The following UTRN variants were observed in gnomAD, a reference collection of about 807,000 sequenced individuals.
UTRN encodes the protein dystrophin-related protein 1.
In UTRN, 283 loss-of-function variants were observed where a neutral mutation model predicts 463.9. That is an observed-to-expected ratio of 0.61 (90% confidence interval 0.55 to 0.67). The LOEUF is 0.67. Among genes scored for constraint, UTRN ranks in the 30% least tolerant of loss-of-function variants. The pLI is 0.00. For synonymous variants in UTRN, 1,442 were observed against 1,431.5 expected (o/e 1.01, Z -0.17); for missense variants, 3,922 against 4,084.3 (o/e 0.96, Z 1.08).
chr6:144,565,179 A>G (rs1261874495), intron 50 of UTRN, among the ~76,000 whole-genome samples: 1 of 152,192 alleles, frequency 6.6e-6, no homozygotes, highest in Non-Finnish European at 1.5e-5. Flanking sequence ...AAGGGCTTGG[A>G]AACAATCCAA....
chr6:144,634,042 A>G (rs1776831640), intron 51 of UTRN, among the ~76,000 whole-genome samples: 1 of 152,230 alleles, frequency 6.6e-6, no homozygotes, highest in Non-Finnish European at 1.5e-5. Flanking sequence ...CAGGCTGCCC[A>G]GGGGAACTCC....
chr6:144,689,276 A>G (rs1258461547), intron 52 of UTRN, among the ~76,000 whole-genome samples: 1 of 152,158 alleles, frequency 6.6e-6, no homozygotes, highest in Non-Finnish European at 1.5e-5. Flanking sequence ...TGTGTCTGCA[A>G]TGGTGGGTGA....
chr6:144,744,634 C>G (rs1373112935), intron 54 of UTRN, among the ~76,000 whole-genome samples: 1 of 150,396 alleles, frequency 6.6e-6, no homozygotes, highest in Admixed American at 6.6e-5. Flanking sequence ...CACACATACA[C>G]ACACACACAC....
chr6:144,316,851 A>T (rs980592340), intron 2 of UTRN, among the ~76,000 whole-genome samples: 1 of 152,204 alleles, frequency 6.6e-6, no homozygotes, highest in Non-Finnish European at 1.5e-5. Flanking sequence ...TATCATATTT[A>T]AAAAATGCCC....
intron 62 of UTRN, 80 bp downstream of exon 62, chr6:144,789,359 A>G: frequency 2.5e-6 from 3 of 1,222,506 alleles, no homozygotes; most frequent in Admixed American, 2.1e-5. Flanking sequence ...CTTAAATTAT[A>G]TAATTTGTTA....
At chr6:144,305,712 G>T (rs538676348) in intron 2 of UTRN, among the ~76,000 whole-genome samples, 7 of 152,352 alleles carry the variant, frequency 4.6e-5, no homozygotes, top group Admixed American at 1.3e-4. Context: ...CCAACTTGAG[G>T]CAATGTGTTG....
intron 69 of UTRN, among the ~76,000 whole-genome samples, chr6:144,832,795 A>AT (rs963961544): frequency 3.3e-5 from 5 of 151,456 alleles, no homozygotes; most frequent in African/African-American, 1.2e-4. Context: ...CATAGAACTA[A>AT]TTTTTTGTTT....
chr6:144,662,763 G>C (rs1321652073), intron 51 of UTRN, among the ~76,000 whole-genome samples: 1 of 152,146 alleles, frequency 6.6e-6, no homozygotes, highest in Non-Finnish European at 1.5e-5. Context: ...TTATAGACTG[G>C]TCAGATCATT....
chr6:144,529,335 A>G (rs777854544), intron 41 of UTRN, among the ~76,000 whole-genome samples: 8 of 152,130 alleles, frequency 5.3e-5, no homozygotes, highest in Admixed American at 1.3e-4. Flanking sequence ...CCTCCTTCAA[A>G]GGGTCTGTAG....
chr6:144,828,729 C>T (rs547056290), intron 68 of UTRN, 61 bp from the exon 69 acceptor site: 11 of 1,452,842 alleles, frequency 7.6e-6, no homozygotes, highest in East Asian at 2.3e-5. Context: ...TAAGGATGTA[C>T]GTCCAATTGA....
intron 3 of UTRN, among the ~76,000 whole-genome samples, chr6:144,417,047 G>C (rs1784417746): frequency 6.6e-6 from 1 of 152,142 alleles, no homozygotes; most frequent in South Asian, 2.1e-4. Flanking sequence ...TTTCCAAGCT[G>C]TTTCACAGAG....
chr6:144,786,235 A>G (rs1776279413), intron 61 of UTRN, among the ~76,000 whole-genome samples: 1 of 152,044 alleles, frequency 6.6e-6, no homozygotes, highest in African/African-American at 2.4e-5. Context: ...AGTTCAGTCA[A>G]CCAGTTAACC....
chr6:144,417,130 T>A (rs1441316467), intron 3 of UTRN, among the ~76,000 whole-genome samples: 1 of 151,998 alleles, frequency 6.6e-6, no homozygotes, highest in Admixed American at 6.5e-5. Flanking sequence ...GAAAAAAAAA[T>A]AGTCTGCATT....
chr6:144,340,393 A>G (rs1240998533), intron 2 of UTRN, among the ~76,000 whole-genome samples: 2 of 152,182 alleles, frequency 1.3e-5, no homozygotes, highest in African/African-American at 4.8e-5. Flanking sequence ...AATGAAGAAG[A>G]TGTGTACCCT....
Position 144,827,333 on chromosome 6 carries a change from C to G in UTRN, c.9495-15C>G. On this transcript the variant is annotated splice_polypyrimidine_tract_variant and intron_variant, in intron 66 of 74. Transcript: ENST00000367545. ...TTTGTTCTGTGACTTTTGTCTCCCT[C>G]TCCCCTCTTTGCAGTCCTATCACAC... The G allele has an allele frequency of 6.2e-7, 1 of 1,613,240 alleles. No individual in the cohort carries two copies. The highest frequency in any genetic ancestry group is 8.5e-7 in the Non-Finnish European group (1 of 1,179,530).
At chr6:144,446,309 A>G (rs1032728405) in intron 14 of UTRN, among the ~76,000 whole-genome samples, 2 of 152,166 alleles carry the variant, frequency 1.3e-5, no homozygotes, top group South Asian at 4.1e-4. Flanking sequence ...GTCTGATGGC[A>G]TCATTATTTA....
At chr6:144,716,791 A>C (rs951266634) in intron 53 of UTRN, among the ~76,000 whole-genome samples, 2 of 152,198 alleles carry the variant, frequency 1.3e-5, no homozygotes, top group Admixed American at 6.5e-5. Context: ...ACTTAGATAC[A>C]TGTCATGCCT....
intron 27 of UTRN, among the ~76,000 whole-genome samples, chr6:144,483,914 C>T (rs1004016015): frequency 2.0e-5 from 3 of 152,084 alleles, no homozygotes; most frequent in African/African-American, 7.2e-5. Flanking sequence ...TACTGGCTGG[C>T]CCTTTGTAGA....
In UTRN at chr6:144,482,217, A is replaced by G. The variant is rs748740139; in HGVS notation, c.3516A>G (p.Lys1172=). The G allele has an allele frequency of 3.4e-6, 5 of 1,486,118 alleles. No homozygotes were observed. The highest frequency in any genetic ancestry group is 4.5e-6 in the Non-Finnish European group (5 of 1,111,872). The allele number at this position is 1,486,118 out of a possible 1,614,324, so 92.1% of individuals were successfully genotyped here. ...ESAVEEMKRA[K]EDVLQKEVRV... ...ATCCTTTCTTGGAACAGAGGGCAAA[A>G]GAGGATGTGTTGCAGAAGGAGGTGA... Residue 1172 remains lysine, a synonymous_variant, in exon 27 of 75, where the codon AAA becomes AAG. Coordinates refer to ENST00000367545, the MANE Select transcript of UTRN (RefSeq NM_007124.3).
Sources: gnomAD v4.1 joint callset for allele counts (sites outside exome capture counted in the v4.1 genomes callset) on GRCh38, gnomAD v4.1.1 for gene constraint, MANE v1.5 for transcripts, NCBI Gene and HGNC (gene_info 2026-07-23, HGNC 2026-07-21) for gene names.